The following SHH variants were observed in gnomAD, a reference collection of about 807,000 sequenced individuals.
SHH encodes the protein sonic hedgehog protein.
In SHH, 3 loss-of-function variants were observed where a neutral mutation model predicts 16.6. The observed-to-expected ratio is 0.18, with a 90% confidence interval of 0.08 to 0.47. The LOEUF is 0.47. Ranked by LOEUF, SHH falls within the 20% of genes least tolerant of loss-of-function variation. The pLI is 0.98. For missense variants in SHH, 499 were observed against 665.0 expected, an observed-to-expected ratio of 0.75 and a Z score of 2.75; for synonymous variants, 351 against 316.2, an observed-to-expected ratio of 1.11 and a Z score of -1.17.
Position 155,800,842 on chromosome 7 carries a change from C to T in SHH, c.*2058G>A. On this transcript the variant is annotated 3_prime_UTR_variant, in exon 3 of 3. Transcript: ENST00000297261. The stretch of plus-strand genomic sequence containing the variant: ...GACTGGGCCCAACCTCGGGAGCCAG[C>T]CCCTGCCAGGTGGGGCTGAAGTCTG... 2.9e-6 allele frequency: 1 copy of T among 346,498 alleles called. No homozygotes were observed. Among genetic ancestry groups the T allele is most frequent in the Non-Finnish European group, 5.7e-6 (1 of 174,470 alleles). 21.5% of individuals were successfully genotyped at this position (346,498 alleles called of 1,614,324 possible).
rs949773621 is a variant in SHH, at chr7:155,809,697, T to G, written c.300+2126A>C. Among the ~76,000 whole-genome samples the G allele has an allele frequency of 6.6e-6, 1 of 152,138 alleles. No individual in the cohort carries two copies. Among genetic ancestry groups the G allele is most frequent in the Non-Finnish European group, 1.5e-5 (1 of 68,006 alleles). ...AATAGCCACTGCCCAAGGAAAAAAG[T>G]ATTTGTTTTCGTTTCGTTCGTCTGA... On this transcript the variant is annotated intron_variant, in intron 1 of 2. Transcript: ENST00000297261. This position sits in a 1 kb window ranked among gnomAD's most constrained non-coding sequence, Gnocchi z 6.1.
intron 1 of SHH, chr7:155,806,889 A>C: frequency 2.4e-6 from 1 of 422,498 alleles, no homozygotes; most frequent in Non-Finnish European, 4.6e-6. Flanking sequence ...CATGTTTAAG[A>C]CATCAACTAC....
intron 2 of SHH, among the ~76,000 whole-genome samples, chr7:155,804,248 G>A (rs571864790): frequency 6.6e-6 from 1 of 151,558 alleles, no homozygotes; most frequent in Non-Finnish European, 1.5e-5. Flanking sequence ...CCGCCTGCCC[G>A]CCTGCCCGCA....
Position 155,802,751 on chromosome 7 carries a change from A to C in SHH, c.*149T>G, listed in dbSNP as rs1803216114. ...CTTCCCGGGGTCCTTGTTTCCTTAG[A>C]GTCTACTTTGGACTGTCCTACTTTA... On this transcript the variant is annotated 3_prime_UTR_variant, in exon 3 of 3. Coordinates refer to ENST00000297261, the MANE Select transcript of SHH (RefSeq NM_000193.4). 2.2e-6 allele frequency: 1 copy of C among 456,566 alleles called. No homozygotes were observed. The highest frequency in any genetic ancestry group is 3.6e-6 in the Non-Finnish European group (1 of 279,050). 28.3% of individuals were successfully genotyped at this position (456,566 alleles called of 1,614,324 possible).
Position 155,800,346 on chromosome 7 carries a change from C to T in SHH, c.*2554G>A. 2.4e-6 allele frequency: 1 copy of T among 411,202 alleles called. No individual in the cohort carries two copies. Among genetic ancestry groups the T allele is most frequent in the Non-Finnish European group, 4.9e-6 (1 of 204,222 alleles). 25.5% of individuals were successfully genotyped at this position (411,202 alleles called of 1,614,324 possible). A position where few individuals can be genotyped will look rare whatever the true frequency, so the allele number is the denominator to read the frequency against. On this transcript the variant is annotated 3_prime_UTR_variant, in exon 3 of 3. Transcript: ENST00000297261. ...ACCCAGCAGCACGGACACTCTGCCA[C>T]CGGGCCTGTCCAGGAGGGAGTGCCA...
chr7:155,805,871 T>C (rs1306971770), intron 2 of SHH, among the ~76,000 whole-genome samples: 1 of 152,222 alleles, frequency 6.6e-6, no homozygotes, highest in African/African-American at 2.4e-5. Flanking sequence ...CGGGGCAGGA[T>C]AGACACCCCT....
Position 155,812,004 on chromosome 7 carries a change from G to C in SHH, c.119C>G (p.Thr40Ser). 1 of 1,614,188 alleles carries C rather than the reference G, an allele frequency of 6.2e-7. No homozygotes were observed. Among genetic ancestry groups the C allele is most frequent in the Non-Finnish European group, 8.5e-7 (1 of 1,180,040 alleles). ...FGKRRHPKKL[T>S]PLAYKQFIPN... Reference sequence around the variant, plus strand: ...GATAAACTGCTTGTAGGCTAAAGGGGTCAGCTTTTTGGGGTGCCTCCTCTT... The same window carrying C: ...GATAAACTGCTTGTAGGCTAAAGGGCTCAGCTTTTTGGGGTGCCTCCTCTT... Residue 40 changes from threonine (T) to serine (S), a missense_variant, in exon 1 of 3, where the codon ACC (threonine) becomes AGC (serine). Thr to Ser is a moderately conservative substitution (Grantham distance 58). Coordinates refer to ENST00000297261, the MANE Select transcript of SHH (RefSeq NM_000193.4).
chr7:155,803,381 G>A lies in SHH; in HGVS notation c.908C>T (p.Ala303Val). The A allele has an allele frequency of 2.0e-6, 3 of 1,472,866 alleles. No homozygotes were observed. Among genetic ancestry groups the A allele is most frequent in the Non-Finnish European group, 2.7e-6 (3 of 1,123,898 alleles). The allele number at this position is 1,472,866 out of a possible 1,614,324, so 91.2% of individuals were successfully genotyped here. A position where few individuals can be genotyped will look rare whatever the true frequency, so the allele number is the denominator to read the frequency against. ...CGGGCGCACGCGGCTGGCGAACAGC[G>A]CCCGAGGCCCCAGTGCGCCCCCGGA... ...PPSGGALGPR[A>V]LFASRVRPGQ... Residue 303 changes from alanine to valine, a missense_variant, in exon 3 of 3, where the codon GCG (alanine) becomes GTG (valine). Coordinates refer to ENST00000297261, the MANE Select transcript of SHH (RefSeq NM_000193.4).
At chr7:155,806,582 C>A (rs780320134) in intron 1 of SHH, 25 bp from the exon 2 acceptor site, 2 of 1,610,258 alleles carry the variant, frequency 1.2e-6, no homozygotes, top group East Asian at 2.2e-5. Flanking sequence ...GGACCCCCAC[C>A]GACGGACACG....
chr7:155,805,125 C>A (rs1183160455), intron 2 of SHH, among the ~76,000 whole-genome samples: 1 of 151,980 alleles, frequency 6.6e-6, no homozygotes, highest in Non-Finnish European at 1.5e-5. Context: ...TGGATTAGCG[C>A]TGCTCACTTG....
At position 155,801,647 on chromosome 7, in the gene SHH, C is replaced by A. The variant is rs1235207202; in HGVS notation, c.*1253G>T. The A allele has an allele frequency of 6.6e-6, 1 of 152,226 alleles. No individual in the cohort carries two copies. Among genetic ancestry groups the A allele is most frequent in the Non-Finnish European group, 1.5e-5 (1 of 68,056 alleles). The allele number at this position is 152,226 out of a possible 1,614,324, so 9.4% of individuals were successfully genotyped here. On this transcript the variant is annotated 3_prime_UTR_variant, in exon 3 of 3. Coordinates refer to ENST00000297261, the MANE Select transcript of SHH (RefSeq NM_000193.4). The stretch of plus-strand genomic sequence containing the variant: ...AAATACAAACAGAGCTGAGGTTTCT[C>A]CAGCCATGAGAAGAAACAAGTTGGT...
At chr7:155,808,517 G>C (rs979056351) in intron 1 of SHH, among the ~76,000 whole-genome samples, 1 of 152,220 alleles carries the variant, frequency 6.6e-6, no homozygotes, top group Admixed American at 6.5e-5. Context: ...GGGCCGCGAC[G>C]GGAGGTGGCT....
chr7:155,804,575 G>A (rs2117131547), intron 2 of SHH, among the ~76,000 whole-genome samples: 1 of 148,556 alleles, frequency 6.7e-6, no homozygotes, highest in Non-Finnish European at 1.5e-5. Context: ...CACCCCGTGT[G>A]CAATTCACAA....
rs1803409012 is a variant in SHH at position 155,807,965 on chromosome 7, G to A, written c.301-1408C>T. 6.6e-6 allele frequency among the ~76,000 whole-genome samples: 1 copy of A among 152,172 alleles called. No individual in the cohort carries two copies. Among genetic ancestry groups the A allele is most frequent in the African/African-American group, 2.4e-5 (1 of 41,444 alleles). ...GGGGACTCTTTCGAGAGGGTGGGGC[G>A]AGGACGCTGGCCCCACTGCTGCGGC... On this transcript the variant is annotated intron_variant, in intron 1 of 2. Transcript: ENST00000297261. This position sits in a 1 kb window ranked among gnomAD's most constrained non-coding sequence, Gnocchi z 7.1.
At chr7:155,804,623 C>G (rs1803300018) in intron 2 of SHH, among the ~76,000 whole-genome samples, 1 of 151,668 alleles carries the variant, frequency 6.6e-6, no homozygotes, top group Non-Finnish European at 1.5e-5. Context: ...TCCAAGCACT[C>G]AAGATGTGTA....
Position 155,812,142 on chromosome 7 carries a change from A to G in SHH, c.-20T>C. On this transcript the variant is annotated 5_prime_UTR_variant, in exon 1 of 3. Coordinates refer to ENST00000297261, the MANE Select transcript of SHH (RefSeq NM_000193.4). ...CAGCATCTCGCCCATGGAACTGATG[A>G]CTTCCGAGCTGTCCCCGTGCGGGTC... The G allele has an allele frequency of 6.2e-7, 1 of 1,613,418 alleles. No individual in the cohort carries two copies. Among genetic ancestry groups the G allele is most frequent in the Non-Finnish European group, 8.5e-7 (1 of 1,179,628 alleles).
chr7:155,808,598 C>G (rs575863991), intron 1 of SHH, among the ~76,000 whole-genome samples: 1 of 152,308 alleles, frequency 6.6e-6, no homozygotes, highest in African/African-American at 2.4e-5. Flanking sequence ...TCCTCCGGCC[C>G]GGGCTCCGCG....
intron 2 of SHH, among the ~76,000 whole-genome samples, chr7:155,804,665 G>A (rs1024989815): frequency 1.7e-4 from 26 of 152,126 alleles, no homozygotes; most frequent in African/African-American, 5.8e-4. Flanking sequence ...CCTGTTCGGA[G>A]CGCTGGAAGC....
chr7:155,806,732 G>T (rs1435829352), intron 1 of SHH, 175 bp from the exon 2 acceptor site: 1 of 781,860 alleles, frequency 1.3e-6, no homozygotes, highest in Non-Finnish European at 2.2e-6. Context: ...GCCCTGGGCT[G>T]GGGAAGAGGG....
Sources: allele counts gnomAD v4.1 joint callset (sites outside exome capture counted in the v4.1 genomes callset), GRCh38; gene constraint gnomAD v4.1.1; non-coding constraint Gnocchi (gnomAD v3.1); transcripts MANE v1.5; gene names NCBI Gene and HGNC (gene_info 2026-07-23, HGNC 2026-07-21).